The following PTPRD variants were observed in gnomAD, a reference collection of about 807,000 sequenced individuals.
PTPRD encodes the protein protein tyrosine phosphatase receptor type D.
PTPRD carries 34 observed loss-of-function variants against 214.5 expected under a neutral mutation model. That is an observed-to-expected ratio of 0.16 (90% CI 0.12 to 0.21). The LOEUF is 0.21. PTPRD is among the 10% of genes least tolerant of loss of function. The probability of loss-of-function intolerance (pLI) is 1.00; values close to 1 mark genes in which losing one functional copy is unlikely to be tolerated. For synonymous variants in PTPRD, 1,128 were observed against 845.7 expected (o/e 1.33, Z -5.79); for missense variants, 2,545 against 2,398.7 (o/e 1.06, Z -1.27).
rs147033335 is a variant in PTPRD at position 8,662,303 on chromosome 9, AAAAC to A, written c.65-25463_65-25460del. Among the ~76,000 whole-genome samples the A allele has an allele frequency of 7.2e-3, 1,098 of 152,038 alleles. 18 individuals carry two copies. The East Asian group carries it at 0.075, about 10-fold the overall frequency. ...GGAAACGGGGTCACTGCTATGTTGG[AAAAC>A]AAACAAACAAACAAACAAACAAACA... On this transcript the variant is annotated intron_variant, in intron 12 of 45. Coordinates refer to ENST00000381196, the MANE Select transcript of PTPRD (RefSeq NM_002839.4).
At chr9:10,112,707 A>G (rs1228572581) in intron 3 of PTPRD, among the ~76,000 whole-genome samples, 1 of 152,220 alleles carries the variant, frequency 6.6e-6, no homozygotes, top group African/African-American at 2.4e-5. Context: ...AACAAAATGC[A>G]TACAGGCTAG....
At chr9:9,965,851 G>T (rs755308906) in intron 4 of PTPRD, among the ~76,000 whole-genome samples, 1 of 152,132 alleles carries the variant, frequency 6.6e-6, no homozygotes, top group Non-Finnish European at 1.5e-5. Context: ...CATACAGTAG[G>T]TGTACAATGA....
intron 5 of PTPRD, among the ~76,000 whole-genome samples, chr9:9,929,009 G>C (rs2085376551): frequency 6.6e-6 from 1 of 152,096 alleles, no homozygotes; most frequent in Admixed American, 6.6e-5. Context: ...AGTCTCAGAG[G>C]TTCGAAGAGA....
chr9:8,891,886 C>A (rs759062571), intron 11 of PTPRD, among the ~76,000 whole-genome samples: 17 of 152,140 alleles, frequency 1.1e-4, no homozygotes, highest in Non-Finnish European at 2.2e-4. Flanking sequence ...TCTAAATCAA[C>A]GTCTATGTCT....
intron 11 of PTPRD, among the ~76,000 whole-genome samples, chr9:8,983,408 T>C (rs2099323775): frequency 6.6e-6 from 1 of 152,122 alleles, no homozygotes; most frequent in Non-Finnish European, 1.5e-5. Context: ...TGTTTTCCTG[T>C]AGTAATAGCA....
intron 9 of PTPRD, among the ~76,000 whole-genome samples, chr9:9,301,630 C>T (rs146252547): frequency 6.4e-4 from 97 of 151,826 alleles, no homozygotes; most frequent in African/African-American, 2.0e-3. Context: ...TTACTGAAGC[C>T]GACTTTTGAT....
chr9:9,131,733 T>C (rs1028682058), intron 10 of PTPRD, among the ~76,000 whole-genome samples: 1 of 152,200 alleles, frequency 6.6e-6, no homozygotes, highest in African/African-American at 2.4e-5. Flanking sequence ...ATATCATATA[T>C]GAATAGCCAA....
At chr9:9,805,749 A>T (rs2099069129) in intron 5 of PTPRD, among the ~76,000 whole-genome samples, 1 of 152,170 alleles carries the variant, frequency 6.6e-6, no homozygotes, top group Non-Finnish European at 1.5e-5. Context: ...TCAAAGGAAG[A>T]ATGACCTTTC....
At chr9:9,822,385 T>C (rs1014065220) in intron 5 of PTPRD, among the ~76,000 whole-genome samples, 1 of 150,450 alleles carries the variant, frequency 6.6e-6, no homozygotes, top group Non-Finnish European at 1.5e-5. Flanking sequence ...CATTCCAGCC[T>C]GGTGACAGAG....
intron 9 of PTPRD, among the ~76,000 whole-genome samples, chr9:9,390,002 G>C (rs2065232324): frequency 6.6e-6 from 1 of 152,164 alleles, no homozygotes; most frequent in Admixed American, 6.5e-5. Flanking sequence ...GGGATAAGAA[G>C]AGACAGAGGT....
At chr9:8,923,679 A>C (rs535151539) in intron 11 of PTPRD, among the ~76,000 whole-genome samples, 162 of 152,352 alleles carry the variant, frequency 1.1e-3, no homozygotes, top group Non-Finnish European at 1.9e-3. Flanking sequence ...AAATCTCTTT[A>C]AAAAATAACA....
intron 10 of PTPRD, among the ~76,000 whole-genome samples, chr9:9,054,963 G>C (rs970071133): frequency 4.6e-5 from 7 of 152,126 alleles, no homozygotes; most frequent in African/African-American, 1.4e-4. Context: ...TATATAACAT[G>C]ATATTCAACC....
At chr9:9,709,337 C>T (rs2097684412) in intron 7 of PTPRD, among the ~76,000 whole-genome samples, 1 of 151,858 alleles carries the variant, frequency 6.6e-6, no homozygotes, top group Non-Finnish European at 1.5e-5. Context: ...CTTTCTATAA[C>T]TTTCTCAATA....
chr9:10,590,179 T>G (rs10959182), intron 2 of PTPRD, among the ~76,000 whole-genome samples: 23 of 151,786 alleles, frequency 1.5e-4, no homozygotes, highest in Non-Finnish European at 2.8e-4. Context: ...TTAAGAACAA[T>G]CATACAAATT....
At chr9:9,769,264 C>G (rs1184547143) in intron 5 of PTPRD, among the ~76,000 whole-genome samples, 1 of 145,340 alleles carries the variant, frequency 6.9e-6, no homozygotes, top group East Asian at 2.1e-4. Flanking sequence ...CTGGTGGTGT[C>G]AAGCTTACAG....
intron 4 of PTPRD, among the ~76,000 whole-genome samples, chr9:9,966,516 G>T (rs1391787549): frequency 6.6e-6 from 1 of 151,880 alleles, no homozygotes; most frequent in African/African-American, 2.4e-5. Flanking sequence ...CTCCATAAAA[G>T]GCTGAGCTAT....
intron 2 of PTPRD, among the ~76,000 whole-genome samples, chr9:10,382,151 A>C (rs1020003676): frequency 6.6e-6 from 1 of 151,834 alleles, no homozygotes. Flanking sequence ...TTTAATTCTC[A>C]ACAATGATGC....
intron 12 of PTPRD, chr9:8,713,351 G>T (rs2098385842): frequency 1.0e-6 from 1 of 990,016 alleles, no homozygotes; most frequent in Admixed American, 1.8e-5. Flanking sequence ...AAAGTAGTGG[G>T]TCGCCGCCTG....
In PTPRD at chr9:8,471,095, A is replaced by T; in HGVS notation, c.3414-10T>A. ...TATTATGTAGTAACCTCTGCACAAG[A>T]ATGAATAGATAAAAGTTAGGTTAGT... On this transcript the variant is annotated splice_polypyrimidine_tract_variant and intron_variant, in intron 30 of 45. Transcript: ENST00000381196. 2 of 1,609,526 alleles carry T rather than the reference A, an allele frequency of 1.2e-6. No individual in the cohort carries two copies. The highest frequency in any genetic ancestry group is 1.7e-6 in the Non-Finnish European group (2 of 1,176,066).
Sources: gnomAD v4.1 joint callset for allele counts (sites outside exome capture counted in the v4.1 genomes callset) on GRCh38, gnomAD v4.1.1 for gene constraint, MANE v1.5 for transcripts, NCBI Gene and HGNC (gene_info 2026-07-23, HGNC 2026-07-21) for gene names.